Variants in RAB38 observed in about 807,000 individuals in gnomAD.
RAB38 encodes RAB38, member RAS oncogene family, also known as ras-related protein Rab-38.
A neutral mutation model predicts 18.4 loss-of-function variants in RAB38; 15 were observed. The ratio of observed to expected loss-of-function variants is 0.82; its 90% CI spans 0.55 to 1.26. The LOEUF is 1.26. Among genes scored for constraint, RAB38 ranks in the 50% most tolerant of loss-of-function variants. The probability of loss-of-function intolerance (pLI) is 0.00; values close to 1 mark genes in which losing one functional copy is unlikely to be tolerated. For synonymous variants in RAB38, 101 were observed against 104.4 expected (o/e 0.97, Z 0.20); for missense variants, 294 against 267.4 (o/e 1.10, Z -0.69).
chr11:87,805,603 CTA>C, the RAB38 span, among the ~76,000 whole-genome samples: 5 of 42,058 alleles, frequency 1.2e-4, no homozygotes, highest in East Asian at 4.9e-3. Flanking sequence ...AGAGAAAACA[CTA>C]CACACACACA....
chr11:87,921,646 C>T, the RAB38 span, among the ~76,000 whole-genome samples: 1 of 149,314 alleles, frequency 6.7e-6, no homozygotes, highest in African/African-American at 2.5e-5. Context: ...ACTCTTTTCT[C>T]TTTTACCAGC....
At chr11:88,019,049 TTA>T in the RAB38 span, among the ~76,000 whole-genome samples, 1 of 152,178 alleles carries the variant, frequency 6.6e-6, no homozygotes, top group South Asian at 2.1e-4. Context: ...TGAATTATTT[TTA>T]TCTTCTAAAA....
chr11:87,900,351 A>C, the RAB38 span, among the ~76,000 whole-genome samples: 1 of 151,636 alleles, frequency 6.6e-6, no homozygotes, highest in African/African-American at 2.4e-5. Flanking sequence ...GTGAAACTCC[A>C]CAGGCTTTCC....
chr11:87,855,469 G>A, the RAB38 span, among the ~76,000 whole-genome samples: 1 of 152,086 alleles, frequency 6.6e-6, no homozygotes, highest in African/African-American at 2.4e-5. Flanking sequence ...AGTTGCAGGG[G>A]AATAAAAGAC....
the RAB38 span, among the ~76,000 whole-genome samples, chr11:87,822,364 G>A: frequency 6.6e-6 from 1 of 152,152 alleles, no homozygotes. Context: ...AAAACGTAGT[G>A]TCTAAAAGCA....
chr11:87,965,541 C>T, the RAB38 span, among the ~76,000 whole-genome samples: 6 of 152,144 alleles, frequency 3.9e-5, no homozygotes, highest in Admixed American at 2.0e-4. Flanking sequence ...AACTCCTTCA[C>T]TCTTTAGGGT....
chr11:87,887,605 C>T, the RAB38 span, among the ~76,000 whole-genome samples: 1 of 151,856 alleles, frequency 6.6e-6, no homozygotes, highest in Admixed American at 6.6e-5. Flanking sequence ...GTAATAGCTA[C>T]TTGACAAAAT....
the RAB38 span, among the ~76,000 whole-genome samples, chr11:88,028,479 G>A: frequency 4.7e-4 from 71 of 152,072 alleles, 1 homozygote; most frequent in African/African-American, 1.7e-3. Flanking sequence ...TGAAAACTTT[G>A]AAAAAAATTT....
chr11:88,077,925 T>C, the RAB38 span, among the ~76,000 whole-genome samples: 2 of 151,994 alleles, frequency 1.3e-5, no homozygotes, highest in Non-Finnish European at 2.9e-5. Context: ...ATAACCAGAA[T>C]ATAGAGAATA....
the RAB38 span, among the ~76,000 whole-genome samples, chr11:87,886,266 G>A: frequency 7.2e-5 from 11 of 151,760 alleles, no homozygotes; most frequent in Non-Finnish European, 1.6e-4. Context: ...CCTGGTGTTG[G>A]GTTTGATCAC....
the RAB38 span, among the ~76,000 whole-genome samples, chr11:87,840,891 C>T: frequency 6.6e-6 from 1 of 152,018 alleles, no homozygotes; most frequent in Non-Finnish European, 1.5e-5. Flanking sequence ...CATCTTTTGC[C>T]TGCTCACCAA....
At chr11:87,855,492 T>C in the RAB38 span, among the ~76,000 whole-genome samples, 1 of 152,178 alleles carries the variant, frequency 6.6e-6, no homozygotes. Context: ...TTTTTGGTCA[T>C]TATATTGGAA....
chr11:87,830,283 C>T, the RAB38 span, among the ~76,000 whole-genome samples: 3 of 152,030 alleles, frequency 2.0e-5, no homozygotes, highest in South Asian at 6.2e-4. Flanking sequence ...AGTTTGAGAC[C>T]AGTCTGGGCA....
At chr11:88,121,601 C>T (rs1008181663) in intron 2 of RAB38, among the ~76,000 whole-genome samples, 4 of 151,890 alleles carry the variant, frequency 2.6e-5, no homozygotes, top group Non-Finnish European at 2.9e-5. Flanking sequence ...CTCGCTCTGT[C>T]GCCCAGGCTG....
At chr11:88,085,779 A>G in the RAB38 span, among the ~76,000 whole-genome samples, 1 of 151,978 alleles carries the variant, frequency 6.6e-6, no homozygotes, top group Non-Finnish European at 1.5e-5. Context: ...TAATTAAGAC[A>G]GACATCATAA....
the RAB38 span, among the ~76,000 whole-genome samples, chr11:87,913,211 G>C: frequency 6.6e-6 from 1 of 152,028 alleles, no homozygotes; most frequent in South Asian, 2.1e-4. Context: ...AGCCGTTCAA[G>C]TTGGTTTATG....
At chr11:87,951,624 C>T in the RAB38 span, among the ~76,000 whole-genome samples, 3 of 152,036 alleles carry the variant, frequency 2.0e-5, no homozygotes, top group African/African-American at 4.8e-5. Context: ...CAGACAGGAC[C>T]CCCAGCTGCA....
chr11:87,923,012 G>A, the RAB38 span, among the ~76,000 whole-genome samples: 2 of 151,576 alleles, frequency 1.3e-5, no homozygotes, highest in Non-Finnish European at 2.9e-5. Context: ...AGGAAAGGGA[G>A]GAATAACTAT....
chr11:87,806,819 G>A, the RAB38 span, among the ~76,000 whole-genome samples: 1 of 152,202 alleles, frequency 6.6e-6, no homozygotes, highest in African/African-American at 2.4e-5. Flanking sequence ...AGTGAAGAAT[G>A]TACTGCTAAC....
Sources: gnomAD v4.1 joint callset for allele counts (sites outside exome capture counted in the v4.1 genomes callset) on GRCh38, gnomAD v4.1.1 for gene constraint, MANE v1.5 for transcripts, NCBI Gene and HGNC (gene_info 2026-07-23, HGNC 2026-07-21) for gene names.